PRKCE: variants seen among roughly 807,000 people sequenced by gnomAD.
PRKCE encodes the protein protein kinase C epsilon.
PRKCE carries 16 observed loss-of-function variants against 85.4 expected under a neutral mutation model. That is an observed-to-expected ratio of 0.19 (90% CI 0.13 to 0.28). The LOEUF (loss-of-function observed/expected upper bound fraction) is 0.28. Ranked by LOEUF, PRKCE falls within the 10% of genes least tolerant of loss-of-function variation. The pLI is 1.00. For missense variants in PRKCE, 573 were observed against 975.2 expected (o/e 0.59, Z 5.49); for synonymous variants, 388 against 371.5 (o/e 1.04, Z -0.51).
At chr2:45,809,740 C>T (rs1688518436) in intron 1 of PRKCE, among the ~76,000 whole-genome samples, 1 of 151,182 alleles carries the variant, frequency 6.6e-6, no homozygotes, top group Non-Finnish European at 1.5e-5. Context: ...ATTAGCCAGG[C>T]GTGGTGGTGC....
chr2:46,128,978 C>G (rs186400831), intron 11 of PRKCE, among the ~76,000 whole-genome samples: 3 of 152,222 alleles, frequency 2.0e-5, no homozygotes, highest in African/African-American at 7.2e-5. Context: ...TTCTCAGGAC[C>G]TCCTCCACCA....
chr2:45,691,685 C>T (rs1391345059), intron 1 of PRKCE, among the ~76,000 whole-genome samples: 6 of 152,174 alleles, frequency 3.9e-5, no homozygotes, highest in African/African-American at 7.2e-5. Flanking sequence ...TCCCCACGCC[C>T]CCTTTAATGA....
intron 2 of PRKCE, among the ~76,000 whole-genome samples, chr2:45,848,680 A>G (rs1691995792): frequency 6.6e-6 from 1 of 151,560 alleles, no homozygotes; most frequent in African/African-American, 2.4e-5. Context: ...AGAGTGGAGA[A>G]GGAAGTAGAA....
chr2:45,863,617 G>T (rs952628673), intron 2 of PRKCE, among the ~76,000 whole-genome samples: 1 of 152,098 alleles, frequency 6.6e-6, no homozygotes, highest in Admixed American at 6.5e-5. Flanking sequence ...GTAGAAATAG[G>T]CGTTTAAGCA....
intron 10 of PRKCE, chr2:46,010,889 T>C: frequency 2.7e-6 from 4 of 1,485,538 alleles, no homozygotes; most frequent in Non-Finnish European, 3.6e-6. Context: ...TCATGTCATA[T>C]GAAAAAGAGT....
At chr2:45,923,070 C>G (rs1698370092) in intron 2 of PRKCE, among the ~76,000 whole-genome samples, 1 of 152,164 alleles carries the variant, frequency 6.6e-6, no homozygotes, top group Non-Finnish European at 1.5e-5. Flanking sequence ...AACCCTTGTG[C>G]TTATAACAGA....
chr2:46,110,797 GT>G (rs2104218289), intron 11 of PRKCE, among the ~76,000 whole-genome samples: 1 of 151,562 alleles, frequency 6.6e-6, no homozygotes, highest in East Asian at 1.9e-4. Context: ...TGATTTTTAA[GT>G]TTTTCTTGTT....
rs374797690 is a variant in PRKCE, at chr2:46,181,664, C to G, written c.2068-3071C>G. Among the ~76,000 whole-genome samples, 66 of 152,292 alleles carry G rather than the reference C, an allele frequency of 4.3e-4. No individual in the cohort carries two copies. In the South Asian group the frequency reaches 0.013, roughly 31 times the overall value. On this transcript the variant is annotated intron_variant, in intron 14 of 14. Transcript: ENST00000306156. ...GCTCAGTTGACCTCAAGAAATGAAA[C>G]CAGCTTCCATGATTAACAGACACTA... is the stretch of plus-strand genomic sequence containing the variant.
At chr2:46,046,435 C>T (rs1708527657) in intron 10 of PRKCE, among the ~76,000 whole-genome samples, 1 of 152,232 alleles carries the variant, frequency 6.6e-6, no homozygotes, top group Non-Finnish European at 1.5e-5. Flanking sequence ...AACAAAATCA[C>T]CTCCTGAAGT....
chr2:46,004,111 C>G lies in PRKCE; in HGVS notation c.967-431C>G, dbSNP rs922872245. 1.2e-5 allele frequency: 3 copies of G among 252,098 alleles called. No individual in the cohort carries two copies. The highest frequency in any genetic ancestry group is 6.8e-5 in the African/African-American group (3 of 44,444). 15.6% of individuals were successfully genotyped at this position (252,098 alleles called of 1,614,324 possible). A position where few individuals can be genotyped will look rare whatever the true frequency, so the allele number is the denominator to read the frequency against. Reference sequence around the variant, plus strand: ...ACCCACGTGGATAGTTGAACATTAGCCTTTTCCTGCTGTACCCGTCCAATG... The same window carrying G: ...ACCCACGTGGATAGTTGAACATTAGGCTTTTCCTGCTGTACCCGTCCAATG... On this transcript the variant is annotated intron_variant, in intron 7 of 14. Transcript: ENST00000306156. This position sits in a 1 kb window ranked among gnomAD's most constrained non-coding sequence, Gnocchi z 4.1.
At chr2:45,815,924 G>A (rs1167427750) in intron 1 of PRKCE, among the ~76,000 whole-genome samples, 1 of 152,188 alleles carries the variant, frequency 6.6e-6, no homozygotes, top group Non-Finnish European at 1.5e-5. Context: ...CAAATCCCAT[G>A]CCAGCCCTGG....
intron 10 of PRKCE, among the ~76,000 whole-genome samples, chr2:46,029,846 T>C (rs1707395398): frequency 6.6e-6 from 1 of 151,782 alleles, no homozygotes; most frequent in Non-Finnish European, 1.5e-5. Context: ...GAGGAGGAAA[T>C]GATGTTTGGA....
chr2:45,963,271 G>T (rs1490248990), intron 2 of PRKCE, among the ~76,000 whole-genome samples: 1 of 152,142 alleles, frequency 6.6e-6, no homozygotes, highest in Non-Finnish European at 1.5e-5. Flanking sequence ...GTAATTACCA[G>T]CTCAGACTGG....
chr2:45,808,349 A>G (rs937187724), intron 1 of PRKCE, among the ~76,000 whole-genome samples: 3 of 152,196 alleles, frequency 2.0e-5, no homozygotes, highest in Admixed American at 2.0e-4. Context: ...ACTGTGGAAA[A>G]TTGCCCAGGG....
chr2:46,004,082 A>T lies in PRKCE; in HGVS notation c.967-460A>T. ...CTGGTGATAACCACCTTGCTGGGGT[A>T]GATACCCACGTGGATAGTTGAACAT... On this transcript the variant is annotated intron_variant, in intron 7 of 14. Transcript: ENST00000306156. This position sits in a 1 kb window ranked among gnomAD's most constrained non-coding sequence, Gnocchi z 4.1. 1 of 225,818 alleles carries T rather than the reference A, an allele frequency of 4.4e-6. No individual in the cohort carries two copies. The highest frequency in any genetic ancestry group is 9.0e-6 in the Non-Finnish European group (1 of 110,626). 14.0% of individuals were successfully genotyped at this position (225,818 alleles called of 1,614,324 possible).
intron 2 of PRKCE, among the ~76,000 whole-genome samples, chr2:45,891,773 G>T (rs549851865): frequency 6.6e-6 from 1 of 152,288 alleles, no homozygotes; most frequent in African/African-American, 2.4e-5. Context: ...TCAGTCACAA[G>T]GCCTTGGCCC....
In PRKCE at chr2:45,662,845, T is replaced by G. The variant is rs139596096; in HGVS notation, c.348+10397T>G. ...CCCTCTCTCTGTATCATTAAGCCAC[T>G]CAAAGAGTACTCTGAAAACAAGCAA... On this transcript the variant is annotated intron_variant, in intron 1 of 14. Transcript: ENST00000306156. 1.6e-4 allele frequency among the ~76,000 whole-genome samples: 24 copies of G among 148,148 alleles called. No individual in the cohort carries two copies. In the East Asian group the frequency reaches 4.5e-3, roughly 28 times the overall value.
At chr2:45,674,859 A>G (rs955254449) in intron 1 of PRKCE, 6 of 152,246 alleles carry the variant, frequency 3.9e-5, no homozygotes, top group African/African-American at 7.2e-5. Flanking sequence ...TCTCGGCCTC[A>G]TCTTGATAAA....
At chr2:46,165,167 C>T (rs1678213384) in intron 14 of PRKCE, among the ~76,000 whole-genome samples, 2 of 152,214 alleles carry the variant, frequency 1.3e-5, no homozygotes, top group African/African-American at 4.8e-5. Context: ...CTAACCCCCA[C>T]CCAGTGCAGT....
Sources: gnomAD v4.1 joint callset for allele counts (sites outside exome capture counted in the v4.1 genomes callset) on GRCh38, gnomAD v4.1.1 for gene constraint, Gnocchi (gnomAD v3.1) non-coding constraint, MANE v1.5 for transcripts, NCBI Gene and HGNC (gene_info 2026-07-23, HGNC 2026-07-21) for gene names.